Variants in NRXN1 observed in about 807,000 individuals in gnomAD.
NRXN1 encodes the protein neurexin 1, also known as neurexin-1.
NRXN1 carries 39 observed loss-of-function variants against 150.9 expected under a neutral mutation model. That is an observed-to-expected ratio of 0.26 (90% CI 0.20 to 0.34). The LOEUF (loss-of-function observed/expected upper bound fraction) is 0.34. Ranked by LOEUF, NRXN1 falls within the 10% of genes least tolerant of loss-of-function variation. NRXN1 has a pLI of 1.00. For missense variants in NRXN1, 1,815 were observed against 1,949.9 expected (o/e 0.93, Z 1.30); for synonymous variants, 924 against 757.0 (o/e 1.22, Z -3.62).
chr2:50,639,120 T>TATGA (rs1683670063), intron 5 of NRXN1, among the ~76,000 whole-genome samples: 1 of 152,140 alleles, frequency 6.6e-6, no homozygotes, highest in African/African-American at 2.4e-5. Context: ...CCACTCAGCT[T>TATGA]ATGAATGCAT....
chr2:50,701,053 T>A (rs1693671999), intron 5 of NRXN1, among the ~76,000 whole-genome samples: 2 of 152,298 alleles, frequency 1.3e-5, no homozygotes, highest in African/African-American at 4.8e-5. Context: ...TAGTTCTAGT[T>A]AGACACCCTG....
chr2:50,659,462 T>C (rs1035025542), intron 5 of NRXN1, among the ~76,000 whole-genome samples: 2 of 151,868 alleles, frequency 1.3e-5, no homozygotes, highest in Admixed American at 1.3e-4. Context: ...TTTTTTTTAG[T>C]ACGCAACACA....
chr2:50,941,338 A>C (rs1370359297), intron 2 of NRXN1, among the ~76,000 whole-genome samples: 1 of 152,204 alleles, frequency 6.6e-6, no homozygotes, highest in Non-Finnish European at 1.5e-5. Context: ...AAAATGTAGA[A>C]GCAACTTTGG....
At chr2:50,431,574 T>C (rs2084967135) in intron 17 of NRXN1, among the ~76,000 whole-genome samples, 1 of 152,188 alleles carries the variant, frequency 6.6e-6, no homozygotes, top group South Asian at 2.1e-4. Flanking sequence ...TTAAAAGTAT[T>C]TCACATTAAA....
At chr2:50,703,558 G>A (rs112923633) in intron 5 of NRXN1, among the ~76,000 whole-genome samples, 2 of 152,112 alleles carry the variant, frequency 1.3e-5, no homozygotes, top group Non-Finnish European at 2.9e-5. Flanking sequence ...ATGTTTTGGT[G>A]ATCAATGGTT....
At chr2:50,407,963 T>C (rs118102039) in intron 17 of NRXN1, among the ~76,000 whole-genome samples, 1 of 152,286 alleles carries the variant, frequency 6.6e-6, no homozygotes, top group East Asian at 1.9e-4. Flanking sequence ...TTAACATCTG[T>C]TGTATGTTTG....
chr2:50,187,703 T>A (rs1285121185), intron 18 of NRXN1, among the ~76,000 whole-genome samples: 1 of 152,156 alleles, frequency 6.6e-6, no homozygotes, highest in Non-Finnish European at 1.5e-5. Flanking sequence ...ATTTTCGCAA[T>A]ATTGATTCTT....
At chr2:50,659,693 T>C (rs1687012451) in intron 5 of NRXN1, among the ~76,000 whole-genome samples, 1 of 151,884 alleles carries the variant, frequency 6.6e-6, no homozygotes, top group East Asian at 1.9e-4. Context: ...AAATTAGTTG[T>C]TCATTCTTTA....
At chr2:50,261,193 T>C (rs1272061448) in intron 17 of NRXN1, among the ~76,000 whole-genome samples, 3 of 151,788 alleles carry the variant, frequency 2.0e-5, no homozygotes, top group African/African-American at 7.2e-5. Flanking sequence ...CCCCGAGGAA[T>C]ATAGACTTTC....
intron 8 of NRXN1, among the ~76,000 whole-genome samples, chr2:50,608,951 T>A (rs1256331659): frequency 6.6e-6 from 1 of 151,676 alleles, no homozygotes; most frequent in Non-Finnish European, 1.5e-5. Context: ...TACCCATATT[T>A]AAAAAAAAAT....
chr2:49,983,245 C>T (rs948313520), intron 21 of NRXN1, among the ~76,000 whole-genome samples: 2 of 152,114 alleles, frequency 1.3e-5, no homozygotes, highest in African/African-American at 4.8e-5. Flanking sequence ...AAGGGATGAG[C>T]CGCTGTCCAC....
At chr2:50,935,775 A>G (rs1484900679) in intron 2 of NRXN1, among the ~76,000 whole-genome samples, 1 of 152,102 alleles carries the variant, frequency 6.6e-6, no homozygotes, top group African/African-American at 2.4e-5. Flanking sequence ...CAAAAGAAAA[A>G]AAAAAGTGGC....
intron 18 of NRXN1, among the ~76,000 whole-genome samples, chr2:50,145,591 G>A (rs1328620951): frequency 3.3e-5 from 5 of 151,568 alleles, no homozygotes; most frequent in African/African-American, 1.2e-4. Flanking sequence ...GCTTTTTTAG[G>A]GGAGAAGAAG....
chr2:50,097,544 T>C (rs755632300), intron 18 of NRXN1, among the ~76,000 whole-genome samples: 5 of 152,210 alleles, frequency 3.3e-5, no homozygotes, highest in East Asian at 1.9e-4. Flanking sequence ...ATAGTCACAG[T>C]TGTTGGACTA....
chr2:49,991,404 A>G (rs1209964431), intron 21 of NRXN1, among the ~76,000 whole-genome samples: 1 of 152,200 alleles, frequency 6.6e-6, no homozygotes, highest in East Asian at 1.9e-4. Flanking sequence ...TTTAATATAT[A>G]AAAGTTAATC....
At chr2:50,088,862 T>C (rs926313803) in intron 19 of NRXN1, among the ~76,000 whole-genome samples, 1 of 152,324 alleles carries the variant, frequency 6.6e-6, no homozygotes, top group African/African-American at 2.4e-5. Context: ...TTTTGAACTA[T>C]ATTCAGTACA....
chr2:50,057,767 T>C (rs774489713), intron 19 of NRXN1, among the ~76,000 whole-genome samples: 6 of 152,130 alleles, frequency 3.9e-5, no homozygotes, highest in Non-Finnish European at 8.8e-5. Flanking sequence ...AGAAAGCAAA[T>C]ACTAGTGTCC....
At chr2:50,004,932 T>C (rs1162908894) in intron 21 of NRXN1, among the ~76,000 whole-genome samples, 1 of 151,024 alleles carries the variant, frequency 6.6e-6, no homozygotes, top group Non-Finnish European at 1.5e-5. Flanking sequence ...TTTTCTGAAT[T>C]CCACAGATCC....
intron 18 of NRXN1, among the ~76,000 whole-genome samples, chr2:50,188,487 T>G (rs555252387): frequency 7.9e-5 from 12 of 152,034 alleles, no homozygotes; most frequent in African/African-American, 2.9e-4. Context: ...ACTAAAACAC[T>G]AAAAGCAATG....
Sources: allele counts gnomAD v4.1 joint callset (sites outside exome capture counted in the v4.1 genomes callset), GRCh38; gene constraint gnomAD v4.1.1; transcripts MANE v1.5; gene names NCBI Gene and HGNC (gene_info 2026-07-23, HGNC 2026-07-21).